Variants in PDE1C observed in about 807,000 individuals in gnomAD.
PDE1C encodes the protein dual specificity calcium/calmodulin-dependent 3',5'-cyclic nucleotide phosphodiesterase 1C.
A neutral mutation model predicts 93.1 loss-of-function variants in PDE1C; 62 were observed. The ratio of observed to expected loss-of-function variants is 0.67; its 90% CI spans 0.54 to 0.82. The LOEUF (loss-of-function observed/expected upper bound fraction) is 0.82, where lower values mean the gene tolerates loss of function less well. PDE1C is among the 40% of genes least tolerant of loss of function. The pLI, the probability that PDE1C is intolerant of heterozygous loss-of-function variation, is 0.00. For missense variants in PDE1C, 742 were observed against 884.6 expected (o/e 0.84, Z 2.04); for synonymous variants, 325 against 310.1 (o/e 1.05, Z -0.50).
chr7:31,662,163 TTTA>T, the PDE1C span, among the ~76,000 whole-genome samples: 1 of 152,224 alleles, frequency 6.6e-6, no homozygotes, highest in Middle Eastern at 3.2e-3. Context: ...ATTGCCTCTG[TTTA>T]TTCACCCTGG....
chr7:32,056,854 A>G (rs1794189563), intron 1 of PDE1C, among the ~76,000 whole-genome samples: 1 of 152,188 alleles, frequency 6.6e-6, no homozygotes, highest in South Asian at 2.1e-4. Context: ...AATTTTCCTT[A>G]TCTTGGAACA....
rs1025111604 is a variant in PDE1C, at chr7:31,979,083, A to G, written c.128+72471T>C. ...ATTCACTTTCACAACTCAAGCATTT[A>G]TGGCTGATATCATTAATAAAACATA... On this transcript the variant is annotated intron_variant, in intron 2 of 17. Coordinates refer to ENST00000396191, the MANE Select transcript of PDE1C (RefSeq NM_001191057.4). 2.0e-5 allele frequency among the ~76,000 whole-genome samples: 3 copies of G among 152,218 alleles called. No individual in the cohort carries two copies. In the South Asian group the frequency reaches 6.2e-4, roughly 31 times the overall value.
chr7:32,272,866 C>T (rs1228927590), intron 1 of PDE1C, among the ~76,000 whole-genome samples: 1 of 152,194 alleles, frequency 6.6e-6, no homozygotes, highest in Non-Finnish European at 1.5e-5. Flanking sequence ...CAGAGCTATT[C>T]TTATTGTGTA....
chr7:31,863,870 G>A (rs1387362273), intron 7 of PDE1C, among the ~76,000 whole-genome samples: 1 of 152,048 alleles, frequency 6.6e-6, no homozygotes, highest in East Asian at 1.9e-4. Context: ...AAGCAATTAG[G>A]CAGGGATTTA....
intron 1 of PDE1C, among the ~76,000 whole-genome samples, chr7:32,343,273 G>C (rs952956088): frequency 6.6e-6 from 1 of 152,194 alleles, no homozygotes; most frequent in Non-Finnish European, 1.5e-5. Flanking sequence ...TTTTGACAAA[G>C]TAGGACACCA....
chr7:32,274,423 G>C lies in PDE1C; in HGVS notation c.85+24228C>G, dbSNP rs73306689. Among the ~76,000 whole-genome samples the C allele has an allele frequency of 9.5e-3, 1,416 of 149,234 alleles. 25 individuals are homozygous for C. Among genetic ancestry groups the C allele is most frequent in the African/African-American group, 0.034 (1,372 of 40,370 alleles). On this transcript the variant is annotated intron_variant, in intron 1 of 18. Transcript: ENST00000396193. ...AGGTTCTCCATATGTTGCCCAGGCT[G>C]GTCTCAACTCCTAGGTTCAAGGGAT...
At chr7:31,658,352 C>T in the PDE1C span, 1 of 1,518,948 alleles carries the variant, frequency 6.6e-7, no homozygotes, top group Middle Eastern at 1.7e-4. Flanking sequence ...AAAATAAAAT[C>T]AAAAGACTTT....
chr7:31,638,881 A>T, the PDE1C span, among the ~76,000 whole-genome samples: 3 of 152,042 alleles, frequency 2.0e-5, no homozygotes, highest in African/African-American at 7.2e-5. Context: ...GGTTCGAGCA[A>T]TTCTTTTGCC....
intron 2 of PDE1C, among the ~76,000 whole-genome samples, chr7:32,186,381 C>T (rs558905319): frequency 6.6e-6 from 1 of 152,274 alleles, no homozygotes; most frequent in Non-Finnish European, 1.5e-5. Flanking sequence ...GGATTACAGG[C>T]GTGAGCCACC....
At chr7:31,894,658 C>A (rs1799049717) in intron 2 of PDE1C, among the ~76,000 whole-genome samples, 1 of 152,178 alleles carries the variant, frequency 6.6e-6, no homozygotes, top group African/African-American at 2.4e-5. Context: ...AGGTGAAAAG[C>A]TAAAACCTGT....
chr7:31,690,747 C>T, the PDE1C span, among the ~76,000 whole-genome samples: 2 of 152,170 alleles, frequency 1.3e-5, no homozygotes, highest in Admixed American at 1.3e-4. Flanking sequence ...GTACTAACAG[C>T]AGATAGGACC....
intron 16 of PDE1C, among the ~76,000 whole-genome samples, chr7:31,790,773 G>A (rs1784504659): frequency 6.6e-6 from 1 of 152,090 alleles, no homozygotes; most frequent in African/African-American, 2.4e-5. Flanking sequence ...AATCACCTGA[G>A]TTCTCCACTG....
chr7:32,278,973 G>A (rs1207979190), intron 1 of PDE1C, among the ~76,000 whole-genome samples: 1 of 152,198 alleles, frequency 6.6e-6, no homozygotes. Flanking sequence ...ATAGTGGTGG[G>A]AGTGGCACAA....
intron 1 of PDE1C, among the ~76,000 whole-genome samples, chr7:32,409,626 A>G (rs1424679301): frequency 6.6e-6 from 1 of 152,134 alleles, no homozygotes; most frequent in African/African-American, 2.4e-5. Context: ...TATATTGATT[A>G]TCTGTATTTA....
chr7:31,658,467 G>A, the PDE1C span: 3 of 1,328,712 alleles, frequency 2.3e-6, no homozygotes, highest in Non-Finnish European at 2.9e-6. Flanking sequence ...CATTTGTAAA[G>A]AGGTTAGAGT....
At chr7:32,212,715 T>G (rs754229518) in intron 1 of PDE1C, among the ~76,000 whole-genome samples, 18 of 152,108 alleles carry the variant, frequency 1.2e-4, no homozygotes, top group Non-Finnish European at 2.4e-4. Context: ...AACTCCTTAC[T>G]CATCCTTTAA....
chr7:31,781,915 T>C (rs1346745179), intron 16 of PDE1C, among the ~76,000 whole-genome samples: 1 of 152,130 alleles, frequency 6.6e-6, no homozygotes, highest in Non-Finnish European at 1.5e-5. Flanking sequence ...AATGTGGCTT[T>C]CAAAATATTT....
intron 15 of PDE1C, among the ~76,000 whole-genome samples, chr7:31,809,989 C>T (rs1057228395): frequency 6.6e-6 from 1 of 152,094 alleles, no homozygotes; most frequent in Non-Finnish European, 1.5e-5. Context: ...AACATGGCCA[C>T]ACTTACTCAT....
Position 31,950,715 on chromosome 7 carries a change from T to C in PDE1C, c.129-69855A>G, listed in dbSNP as rs559114485. ...TATTTTTTTAGTAGTAAAAAATGAC[T>C]TGTGACATCTCACAAGACCAATCCA... is the stretch of plus-strand genomic sequence containing the variant. On this transcript the variant is annotated intron_variant, in intron 2 of 17. Coordinates refer to ENST00000396191, the MANE Select transcript of PDE1C (RefSeq NM_001191057.4). 3.4e-4 allele frequency among the ~76,000 whole-genome samples: 52 copies of C among 152,306 alleles called. 1 individual carries two copies. The South Asian group carries it at 0.011, about 32-fold the overall frequency.
Sources: gnomAD v4.1 joint callset for allele counts (sites outside exome capture counted in the v4.1 genomes callset) on GRCh38, gnomAD v4.1.1 for gene constraint, MANE v1.5 for transcripts, NCBI Gene and HGNC (gene_info 2026-07-23, HGNC 2026-07-21) for gene names.